The following BRD7 variants were observed in gnomAD, a reference collection of about 807,000 sequenced individuals.
BRD7 encodes bromodomain containing 7.
Under a neutral mutation model 82.1 loss-of-function variants are expected in BRD7, and 15 were observed. The ratio of observed to expected loss-of-function variants is 0.18; its 90% CI spans 0.12 to 0.28. BRD7 has a LOEUF of 0.28. BRD7 is among the 10% of genes least tolerant of loss of function. BRD7 has a pLI of 1.00. For synonymous variants in BRD7, 232 were observed against 266.9 expected (o/e 0.87, Z 1.27); for missense variants, 638 against 779.9 (o/e 0.82, Z 2.17).
At chr16:50,331,245 AT>A (rs2037553086) in intron 8 of BRD7, among the ~76,000 whole-genome samples, 1 of 152,262 alleles carries the variant, frequency 6.6e-6, no homozygotes, top group Admixed American at 6.5e-5. Flanking sequence ...GTCTAAAGCA[AT>A]CTACAGATTC....
chr16:50,368,726 C>G lies in BRD7; in HGVS notation c.49G>C (p.Glu17Gln), dbSNP rs979068175. ...GCCCGCACCCCGGCCCCCTCCTCAC[C>G]CTCGTAGAGGTGTTTGTCCGACTTG... ...KHKSDKHLYE[E>Q]YVEKPLKLVL... Residue 17 changes from glutamate (E) to glutamine (Q), a missense_variant and splice_region_variant, in exon 1 of 17, where the codon GAG becomes CAG. Around this residue, in one of 3 missense-constraint regions of BRD7, gnomAD observed 172 missense variants for 155.3 expected, o/e 1.11. Transcript: ENST00000394688. The G allele has an allele frequency of 1.3e-6, 2 of 1,558,374 alleles. 1 individual carries two copies. The highest frequency in any genetic ancestry group is 2.3e-5 in the South Asian group (2 of 87,078).
At chr16:50,344,988 A>T in intron 5 of BRD7, among the ~76,000 whole-genome samples, 1 of 152,204 alleles carries the variant, frequency 6.6e-6, no homozygotes, top group African/African-American at 2.4e-5. Context: ...AGTTGAAATG[A>T]AGGAAAAAAT....
intron 5 of BRD7, among the ~76,000 whole-genome samples, chr16:50,347,291 C>G (rs2038324189): frequency 6.6e-6 from 1 of 152,062 alleles, no homozygotes; most frequent in Non-Finnish European, 1.5e-5. Context: ...ATGACAAAAC[C>G]ACAGCCAATA....
At chr16:50,320,627 T>G (rs1328401343) in intron 14 of BRD7, 36 bp downstream of exon 14, 4 of 1,491,176 alleles carry the variant, frequency 2.7e-6, no homozygotes, top group Non-Finnish European at 3.7e-6. Flanking sequence ...GCCTACATCA[T>G]GCAGTGTTTC....
intron 1 of BRD7, 56 bp downstream of exon 1, chr16:50,368,670 G>A (rs551392230): frequency 2.0e-6 from 3 of 1,531,934 alleles, no homozygotes; most frequent in Admixed American, 3.9e-5. Context: ...GGGAAAGAGC[G>A]GAAGCCCGGC....
chr16:50,343,526 A>C (rs1360953439), intron 5 of BRD7, among the ~76,000 whole-genome samples: 2 of 152,258 alleles, frequency 1.3e-5, no homozygotes, highest in African/African-American at 4.8e-5. Flanking sequence ...CTCAGGAAGC[A>C]CAAGGGGTTG....
In BRD7 at chr16:50,368,798, C is replaced by A. The variant is rs749986963; in HGVS notation, c.-24G>T. On this transcript the variant is annotated 5_prime_UTR_variant, in exon 1 of 17. Transcript: ENST00000394688. ...ATGTCCGACCGGGCCCCGGTGCCCG[C>A]CCCCCGCGCCAGGCCCAGGCCGTGC... 2 of 1,515,368 alleles carry A rather than the reference C, an allele frequency of 1.3e-6. No individual in the cohort carries two copies. The highest frequency in any genetic ancestry group is 1.8e-6 in the Non-Finnish European group (2 of 1,130,054). 93.9% of individuals were successfully genotyped at this position (1,515,368 alleles called of 1,614,324 possible).
At chr16:50,344,320 G>GA (rs1476705664) in intron 5 of BRD7, among the ~76,000 whole-genome samples, 1 of 152,188 alleles carries the variant, frequency 6.6e-6, no homozygotes, top group Non-Finnish European at 1.5e-5. Flanking sequence ...AACCAGAGCG[G>GA]AAAAGCTGAA....
chr16:50,327,559 G>C (rs1482117221), intron 9 of BRD7, among the ~76,000 whole-genome samples: 1 of 152,076 alleles, frequency 6.6e-6, no homozygotes, highest in Non-Finnish European at 1.5e-5. Context: ...TCCTCCTTTA[G>C]AGAACATTCA....
At chr16:50,363,872 AT>A (rs2039036226) in intron 2 of BRD7, among the ~76,000 whole-genome samples, 1 of 152,148 alleles carries the variant, frequency 6.6e-6, no homozygotes, top group Admixed American at 6.5e-5. Flanking sequence ...CCTGGACAAC[AT>A]AGCAAGACCC....
In BRD7 at chr16:50,320,487, C is replaced by CCCTT. The variant is rs1321491393; in HGVS notation, c.1613-100_1613-97dup. On this transcript the variant is annotated intron_variant, in intron 14 of 16. Transcript: ENST00000394688. ...TTTGCTAATTATTGGTTAGCCTTCT[C>CCCTT]CCTTCAAAAGAGTAATCCGCTTGAA... The CCCTT allele has an allele frequency of 5.9e-6, 9 of 1,532,636 alleles. No homozygotes were observed. In the Admixed American group the frequency reaches 7.4e-5, roughly 13 times the overall value. The allele number at this position is 1,532,636 out of a possible 1,614,324, so 94.9% of individuals were successfully genotyped here.
chr16:50,317,892 CCTAA>C lies in BRD7; in HGVS notation c.*1315_*1318del, dbSNP rs1031938615. On this transcript the variant is annotated 3_prime_UTR_variant, in exon 17 of 17. Transcript: ENST00000394688. The stretch of plus-strand genomic sequence containing the variant: ...GTTTTCTGGCTTATTGAGGAAATTT[CCTAA>C]CAAACAAACAAACAAACAAACAGAA... The C allele has an allele frequency of 7.7e-6, 1 of 130,030 alleles. No homozygotes were observed. Among genetic ancestry groups the C allele is most frequent in the South Asian group, 2.4e-4 (1 of 4,234 alleles). 8.1% of individuals were successfully genotyped at this position (130,030 alleles called of 1,614,324 possible). A position where few individuals can be genotyped will look rare whatever the true frequency, so the allele number is the denominator to read the frequency against.
At chr16:50,333,990 G>T (rs571297555) in intron 7 of BRD7, among the ~76,000 whole-genome samples, 1 of 152,188 alleles carries the variant, frequency 6.6e-6, no homozygotes, top group Non-Finnish European at 1.5e-5. Context: ...ACTTTGAAGG[G>T]AGAACAATAT....
chr16:50,331,964 C>T lies in BRD7; in HGVS notation c.1011+1610G>A, dbSNP rs570765334. ...CAGAAGAATGAAACTGAACTCCTAT[C>T]TCTCACAATATACAAACATTAACTC... On this transcript the variant is annotated intron_variant, in intron 8 of 16. Transcript: ENST00000394688. 1.8e-4 allele frequency among the ~76,000 whole-genome samples: 28 copies of T among 152,308 alleles called. No individual in the cohort carries two copies. The South Asian group carries it at 5.4e-3, about 29-fold the overall frequency.
intron 2 of BRD7, among the ~76,000 whole-genome samples, chr16:50,363,538 T>C (rs1160141452): frequency 2.6e-5 from 4 of 152,342 alleles, no homozygotes; most frequent in South Asian, 2.1e-4. Context: ...ATCCTACCCG[T>C]TGGGGCATTT....
At chr16:50,361,804 A>G (rs2038945931) in intron 2 of BRD7, 4 of 152,160 alleles carry the variant, frequency 2.6e-5, no homozygotes, top group Admixed American at 2.6e-4. Flanking sequence ...TATGTCCCCT[A>G]TACGCATCTC....
At chr16:50,327,821 G>A (rs1409312985) in intron 9 of BRD7, among the ~76,000 whole-genome samples, 1 of 152,044 alleles carries the variant, frequency 6.6e-6, no homozygotes, top group African/African-American at 2.4e-5. Context: ...CTCTTCCCCC[G>A]ACTCCATAGA....
intron 7 of BRD7, among the ~76,000 whole-genome samples, chr16:50,333,977 A>G (rs1179473023): frequency 6.6e-6 from 1 of 152,258 alleles, no homozygotes; most frequent in Non-Finnish European, 1.5e-5. Flanking sequence ...TACCTCAAAC[A>G]TTACTTTGAA....
At chr16:50,343,235 G>A (rs1275323991) in intron 5 of BRD7, among the ~76,000 whole-genome samples, 1 of 152,222 alleles carries the variant, frequency 6.6e-6, no homozygotes, top group Non-Finnish European at 1.5e-5. Flanking sequence ...TTGGGGGAAG[G>A]ACCTGGTGGG....
Sources: gnomAD v4.1 joint callset for allele counts (sites outside exome capture counted in the v4.1 genomes callset) on GRCh38, gnomAD v4.1.1 for gene constraint, gnomAD v4.1.1 regional missense constraint, MANE v1.5 for transcripts, NCBI Gene and HGNC (gene_info 2026-07-23, HGNC 2026-07-21) for gene names.